CTIF: variants seen among roughly 807,000 people sequenced by gnomAD.
CTIF encodes cap binding complex dependent translation initiation factor, also known as CBP80/20-dependent translation initiation factor.
A neutral mutation model predicts 66.0 loss-of-function variants in CTIF; 21 were observed. The observed-to-expected ratio is 0.32, with a 90% CI of 0.23 to 0.46. The LOEUF is 0.46. CTIF is among the 20% of genes least tolerant of loss of function. The pLI is 1.00. For missense variants in CTIF, 739 were observed against 812.7 expected (o/e 0.91, Z 1.10); for synonymous variants, 345 against 326.4 (o/e 1.06, Z -0.62).
At chr18:48,664,668 G>T in intron 5 of CTIF, 117 bp downstream of exon 5, 2 of 819,398 alleles carry the variant, frequency 2.4e-6, no homozygotes, top group Non-Finnish European at 3.9e-6. Flanking sequence ...GATGCCCCGG[G>T]ATGCTCTTCT....
At chr18:48,558,684 T>C (rs879334680) in intron 1 of CTIF, among the ~76,000 whole-genome samples, 3 of 152,366 alleles carry the variant, frequency 2.0e-5, no homozygotes, top group Non-Finnish European at 4.4e-5. Context: ...TTTGCAAATT[T>C]AGATTCTTAA....
chr18:48,779,725 G>A (rs145531448), intron 9 of CTIF, among the ~76,000 whole-genome samples: 3 of 152,336 alleles, frequency 2.0e-5, no homozygotes, highest in East Asian at 3.9e-4. Flanking sequence ...CCACCAAGCT[G>A]CAGACAGACA....
chr18:48,561,011 G>T (rs1422803704), intron 1 of CTIF, among the ~76,000 whole-genome samples: 1 of 152,122 alleles, frequency 6.6e-6, no homozygotes, highest in Non-Finnish European at 1.5e-5. Flanking sequence ...AGCTAAGGCA[G>T]GCAGATCACT....
chr18:48,606,840 T>C (rs2090210602), intron 1 of CTIF, among the ~76,000 whole-genome samples: 1 of 152,108 alleles, frequency 6.6e-6, no homozygotes, highest in African/African-American at 2.4e-5. Flanking sequence ...GTTTCCTAAT[T>C]TGTACAAGGG....
chr18:48,804,103 A>T (rs2068097557), intron 9 of CTIF, among the ~76,000 whole-genome samples: 1 of 152,188 alleles, frequency 6.6e-6, no homozygotes, highest in South Asian at 2.1e-4. Flanking sequence ...GAGCAGAGTG[A>T]AGCAGTGGAA....
chr18:48,843,840 C>T (rs890626081), intron 10 of CTIF, among the ~76,000 whole-genome samples: 1 of 152,192 alleles, frequency 6.6e-6, no homozygotes, highest in Non-Finnish European at 1.5e-5. Context: ...TGGGCACTCA[C>T]TGGGGAGCAG....
At chr18:48,636,178 T>C (rs567700295) in intron 2 of CTIF, among the ~76,000 whole-genome samples, 76 of 152,234 alleles carry the variant, frequency 5.0e-4, no homozygotes, top group Non-Finnish European at 9.0e-4. Flanking sequence ...CATCATCTTT[T>C]GGAGCTAGGC....
At chr18:48,570,419 T>C (rs925574635) in intron 1 of CTIF, among the ~76,000 whole-genome samples, 4 of 152,224 alleles carry the variant, frequency 2.6e-5, no homozygotes, top group African/African-American at 9.6e-5. Flanking sequence ...AACTGTGCTA[T>C]ATATTGAGGG....
chr18:48,814,776 G>A (rs2146310658), intron 9 of CTIF, among the ~76,000 whole-genome samples: 1 of 152,322 alleles, frequency 6.6e-6, no homozygotes, highest in South Asian at 2.1e-4. Flanking sequence ...CTGGACTAGG[G>A]AGAAGAGACA....
At chr18:48,706,012 C>T (rs958233549) in intron 6 of CTIF, among the ~76,000 whole-genome samples, 2 of 152,206 alleles carry the variant, frequency 1.3e-5, no homozygotes, top group African/African-American at 4.8e-5. Context: ...TGCACTGTTG[C>T]ATGGCGGGCC....
intron 7 of CTIF, among the ~76,000 whole-genome samples, chr18:48,721,552 G>A (rs2092336033): frequency 6.6e-6 from 1 of 152,214 alleles, no homozygotes; most frequent in Non-Finnish European, 1.5e-5. Context: ...CAGGCCCAGG[G>A]CGAGGCTCAC....
chr18:48,558,915 T>A (rs932155202), intron 1 of CTIF, among the ~76,000 whole-genome samples: 1 of 152,212 alleles, frequency 6.6e-6, no homozygotes, highest in Admixed American at 6.5e-5. Flanking sequence ...AGCTAACCCA[T>A]CCTGGTAAAC....
intron 6 of CTIF, among the ~76,000 whole-genome samples, chr18:48,699,361 G>A (rs2092050589): frequency 6.6e-6 from 1 of 150,774 alleles, no homozygotes; most frequent in African/African-American, 2.4e-5. Context: ...GTCCTGTGAT[G>A]AGATGAGGGG....
intron 1 of CTIF, among the ~76,000 whole-genome samples, chr18:48,605,357 A>G (rs2090183360): frequency 2.0e-5 from 3 of 152,160 alleles, no homozygotes; most frequent in Admixed American, 2.0e-4. Context: ...ATCCAGTGAC[A>G]GTTGAGGCTA....
intron 1 of CTIF, among the ~76,000 whole-genome samples, chr18:48,596,330 C>T (rs926179129): frequency 4.6e-5 from 7 of 152,262 alleles, no homozygotes; most frequent in South Asian, 2.1e-4. Context: ...AATAGTTGAC[C>T]GCTATCTTCA....
intron 1 of CTIF, chr18:48,540,007 TCTGTGGATGG>T (rs1454959833): frequency 6.6e-6 from 1 of 151,708 alleles, no homozygotes; most frequent in Non-Finnish European, 1.5e-5. Flanking sequence ...CTCGGGGATG[TCTGTGGATGG>T]CTGTCGTCTA....
chr18:48,778,787 T>G (rs1910934959), intron 9 of CTIF, among the ~76,000 whole-genome samples: 1 of 152,208 alleles, frequency 6.6e-6, no homozygotes, highest in African/African-American at 2.4e-5. Context: ...GAGTGCTCCC[T>G]GAACCCCAGA....
At chr18:48,742,991 T>C (rs999206770) in intron 7 of CTIF, among the ~76,000 whole-genome samples, 11 of 152,234 alleles carry the variant, frequency 7.2e-5, no homozygotes, top group African/African-American at 2.7e-4. Flanking sequence ...ACATTTTAAA[T>C]TATTTTTATT....
intron 6 of CTIF, among the ~76,000 whole-genome samples, chr18:48,676,510 G>A (rs2091631551): frequency 6.6e-6 from 1 of 152,084 alleles, no homozygotes; most frequent in Admixed American, 6.5e-5. Flanking sequence ...GACCTAGCAG[G>A]GCCGGCTCCC....
Sources: allele counts gnomAD v4.1 joint callset (sites outside exome capture counted in the v4.1 genomes callset), GRCh38; gene constraint gnomAD v4.1.1; transcripts MANE v1.5; gene names NCBI Gene and HGNC (gene_info 2026-07-23, HGNC 2026-07-21).